The following CSMD1 variants were observed in gnomAD, a reference collection of about 807,000 sequenced individuals.
CSMD1 encodes the protein CUB and sushi domain-containing protein 1.
Under a neutral mutation model 417.5 loss-of-function variants are expected in CSMD1, and 213 were observed. The observed-to-expected ratio is 0.51, with a 90% CI of 0.46 to 0.57. The LOEUF is 0.57. CSMD1 is among the 20% of genes least tolerant of loss of function. CSMD1 has a pLI of 0.00. For missense variants in CSMD1, 6,923 were observed against 4,529.7 expected, an observed-to-expected ratio of 1.53 and a Z score of -15.17; for synonymous variants, 2,862 against 1,736.8, an observed-to-expected ratio of 1.65 and a Z score of -16.11.
At position 2,985,457 on chromosome 8, in the gene CSMD1, G is replaced by C. The variant is rs147082029; in HGVS notation, c.8378-6657C>G. Reference sequence around the variant, plus strand: ...TGCTACACTGTTTCACCACGTGAGGGAGGAGACTGGTGTGATACTGCTACA... The same window carrying C: ...TGCTACACTGTTTCACCACGTGAGGCAGGAGACTGGTGTGATACTGCTACA... On this transcript the variant is annotated intron_variant, in intron 54 of 69. Transcript: ENST00000635120. Among the ~76,000 whole-genome samples, 947 of 150,298 alleles carry C rather than the reference G, an allele frequency of 6.3e-3. 14 individuals carry two copies. Among genetic ancestry groups the C allele is most frequent in the Non-Finnish European group, 0.011 (722 of 66,872 alleles).
At chr8:4,889,400 G>A (rs1396922829) in intron 1 of CSMD1, among the ~76,000 whole-genome samples, 1 of 152,148 alleles carries the variant, frequency 6.6e-6, no homozygotes, top group East Asian at 1.9e-4. Flanking sequence ...CAAATGCAGT[G>A]AGTAAGCCTG....
chr8:4,216,350 C>G (rs1585039533), intron 3 of CSMD1, among the ~76,000 whole-genome samples: 1 of 152,166 alleles, frequency 6.6e-6, no homozygotes, highest in East Asian at 1.9e-4. Flanking sequence ...TTCCCTTGAT[C>G]TCATCACTTT....
intron 2 of CSMD1, among the ~76,000 whole-genome samples, chr8:4,434,701 T>A (rs549294139): frequency 1.3e-5 from 2 of 152,216 alleles, no homozygotes; most frequent in African/African-American, 4.8e-5. Flanking sequence ...GAGTAACAAA[T>A]GTTTTCATGC....
chr8:4,769,933 TAAG>T (rs1269237727), intron 1 of CSMD1, among the ~76,000 whole-genome samples: 1 of 152,152 alleles, frequency 6.6e-6, no homozygotes, highest in Admixed American at 6.5e-5. Flanking sequence ...GGATTAAAAA[TAAG>T]AACAATAACA....
At chr8:3,811,294 A>G (rs985637606) in intron 5 of CSMD1, among the ~76,000 whole-genome samples, 14 of 152,214 alleles carry the variant, frequency 9.2e-5, no homozygotes, top group African/African-American at 2.9e-4. Context: ...GAGCACGGAA[A>G]ACTGCTAACC....
At chr8:4,463,780 C>A (rs921805733) in intron 2 of CSMD1, among the ~76,000 whole-genome samples, 2 of 152,112 alleles carry the variant, frequency 1.3e-5, no homozygotes, top group African/African-American at 2.4e-5. Flanking sequence ...CTAATGGATA[C>A]TGGGTTTTTT....
intron 1 of CSMD1, among the ~76,000 whole-genome samples, chr8:4,864,691 G>T (rs191192068): frequency 1.3e-5 from 2 of 151,606 alleles, no homozygotes; most frequent in African/African-American, 4.8e-5. Context: ...TTTAAATAAA[G>T]GTCTCTGCAG....
At chr8:3,994,634 G>C (rs1259065058) in intron 5 of CSMD1, among the ~76,000 whole-genome samples, 1 of 151,606 alleles carries the variant, frequency 6.6e-6, no homozygotes, top group Non-Finnish European at 1.5e-5. Flanking sequence ...AAAAAAAAAA[G>C]TCAGTTTCAA....
At chr8:4,239,825 G>T (rs543114827) in intron 3 of CSMD1, among the ~76,000 whole-genome samples, 14 of 152,282 alleles carry the variant, frequency 9.2e-5, no homozygotes, top group African/African-American at 3.4e-4. Context: ...CACAATTTCT[G>T]CCTGAATGTG....
intron 3 of CSMD1, among the ~76,000 whole-genome samples, chr8:4,362,359 C>A (rs868577175): frequency 1.1e-4 from 16 of 152,010 alleles, no homozygotes; most frequent in Admixed American, 2.6e-4. Flanking sequence ...TCTGTCTGCC[C>A]CCTGCACTCA....
chr8:3,155,273 G>C (rs1819444309), intron 39 of CSMD1, among the ~76,000 whole-genome samples: 1 of 150,050 alleles, frequency 6.7e-6, no homozygotes, highest in Admixed American at 6.7e-5. Flanking sequence ...TAAATAGGCA[G>C]ATTGATGTTC....
intron 2 of CSMD1, among the ~76,000 whole-genome samples, chr8:4,631,179 G>A (rs1320968034): frequency 6.6e-6 from 1 of 152,134 alleles, no homozygotes; most frequent in South Asian, 2.1e-4. Flanking sequence ...TGGCCAATAT[G>A]GTGAAACCCT....
At chr8:4,956,313 T>C (rs1809107851) in intron 1 of CSMD1, among the ~76,000 whole-genome samples, 1 of 151,820 alleles carries the variant, frequency 6.6e-6, no homozygotes. Context: ...TAATAGCATA[T>C]GAATAATAAA....
intron 10 of CSMD1, among the ~76,000 whole-genome samples, chr8:3,523,418 G>C (rs1258463241): frequency 6.6e-6 from 1 of 152,192 alleles, no homozygotes; most frequent in Non-Finnish European, 1.5e-5. Context: ...CAAAGCGTTT[G>C]CAACCTAGAT....
At chr8:3,143,272 T>C (rs941388975) in intron 40 of CSMD1, among the ~76,000 whole-genome samples, 3 of 152,222 alleles carry the variant, frequency 2.0e-5, no homozygotes, top group African/African-American at 7.2e-5. Context: ...AGCACAAGTT[T>C]ATTAGTTTAG....
chr8:3,142,070 T>A (rs1385343312), intron 41 of CSMD1, among the ~76,000 whole-genome samples: 2 of 152,116 alleles, frequency 1.3e-5, no homozygotes, highest in African/African-American at 4.8e-5. Flanking sequence ...GTGCTGGGAT[T>A]ACAGGCGTGA....
chr8:3,705,853 G>C (rs1289041970), intron 7 of CSMD1, among the ~76,000 whole-genome samples: 7 of 152,310 alleles, frequency 4.6e-5, no homozygotes, highest in African/African-American at 2.4e-5. Flanking sequence ...GGCTTGAAAA[G>C]GAATGAGGCC....
At chr8:4,317,959 TA>T (rs1799031155) in intron 3 of CSMD1, among the ~76,000 whole-genome samples, 1 of 152,124 alleles carries the variant, frequency 6.6e-6, no homozygotes, top group Non-Finnish European at 1.5e-5. Context: ...GAATTTAAGG[TA>T]TTTGGTATTT....
chr8:3,336,928 C>T (rs79288853), intron 23 of CSMD1, among the ~76,000 whole-genome samples: 3,686 of 152,192 alleles, frequency 0.024, 76 homozygotes, highest in East Asian at 0.081. Context: ...TGTAATAATG[C>T]TCCCCTAAAA....
Sources: gnomAD v4.1 joint callset for allele counts (sites outside exome capture counted in the v4.1 genomes callset) on GRCh38, gnomAD v4.1.1 for gene constraint, MANE v1.5 for transcripts, NCBI Gene and HGNC (gene_info 2026-07-23, HGNC 2026-07-21) for gene names.